Variants in MINK1 observed in about 807,000 individuals in gnomAD.
MINK1 encodes misshapen-like kinase 1.
MINK1 carries 46 observed loss-of-function variants against 178.4 expected under a neutral mutation model. That is an observed-to-expected ratio of 0.26 (90% CI 0.20 to 0.33). MINK1 has a LOEUF of 0.33. Ranked by LOEUF, MINK1 falls within the 10% of genes least tolerant of loss-of-function variation. The probability of loss-of-function intolerance (pLI) is 1.00; values close to 1 mark genes in which losing one functional copy is unlikely to be tolerated. For synonymous variants in MINK1, 797 were observed against 709.7 expected (o/e 1.12, Z -1.96); for missense variants, 1,366 against 1,814.9 (o/e 0.75, Z 4.49).
At chr17:4,848,233 C>T (rs910852138) in intron 1 of MINK1, among the ~76,000 whole-genome samples, 2 of 152,126 alleles carry the variant, frequency 1.3e-5, no homozygotes, top group African/African-American at 4.8e-5. Flanking sequence ...AGAGAGGAAC[C>T]TGGAATGGGG....
At chr17:4,890,861 T>C (rs1968716014) in intron 14 of MINK1, 90 bp from the exon 15 acceptor site, 4 of 1,529,656 alleles carry the variant, frequency 2.6e-6, no homozygotes, top group East Asian at 2.5e-5. Flanking sequence ...GCACAGAGCA[T>C]AGGGCGGGAG....
Position 4,886,446 on chromosome 17 carries a change from T to G in MINK1, c.774-5T>G, listed in dbSNP as rs1213837998. 7.5e-6 allele frequency: 12 copies of G among 1,598,272 alleles called. No homozygotes were observed. Among genetic ancestry groups the G allele is most frequent in the Non-Finnish European group, 1.0e-5 (12 of 1,171,412 alleles). ...CCTCCCAGTGTGAGCCACCACTGTT[T>G]CCAGGTCTAAGAAGTTCATTGACTT... On this transcript the variant is annotated splice_polypyrimidine_tract_variant and splice_region_variant and intron_variant, in intron 9 of 31. Coordinates refer to ENST00000355280, the MANE Select transcript of MINK1 (RefSeq NM_153827.5). The surrounding 1 kb of genome is among the most constrained non-coding windows in gnomAD (Gnocchi z 6.1).
intron 1 of MINK1, among the ~76,000 whole-genome samples, chr17:4,863,598 C>T (rs9895272): frequency 0.41 from 62,950 of 151,940 alleles, 15,753 homozygotes; most frequent in Non-Finnish European, 0.57. Flanking sequence ...TCAGATTTTT[C>T]AGTCAAATCT....
chr17:4,851,162 T>C, intron 1 of MINK1: 1 of 380,358 alleles, frequency 2.6e-6, no homozygotes, highest in Non-Finnish European at 5.4e-6. Flanking sequence ...TGCCACAGTT[T>C]TGCCTTGCTT....
At position 4,887,214 on chromosome 17, in the gene MINK1, T is replaced by A; in HGVS notation, c.1019+35T>A. The stretch of plus-strand genomic sequence containing the variant: ...GCAGGTGGAGTGGGGGTTGGGGCGG[T>A]CATCGCTGAGTGGGGGGACTACAGT... On this transcript the variant is annotated intron_variant, in intron 11 of 31. Coordinates refer to ENST00000355280, the MANE Select transcript of MINK1 (RefSeq NM_153827.5). This position sits in a 1 kb window ranked among gnomAD's most constrained non-coding sequence, Gnocchi z 7.6. 1 of 1,562,406 alleles carries A rather than the reference T, an allele frequency of 6.4e-7. No homozygotes were observed. The highest frequency in any genetic ancestry group is 8.7e-7 in the Non-Finnish European group (1 of 1,150,366).
At chr17:4,874,950 T>C in intron 1 of MINK1, 1 of 452,774 alleles carries the variant, frequency 2.2e-6, no homozygotes, top group Non-Finnish European at 4.4e-6. Context: ...GACTTGATGG[T>C]GACAGATCAT....
rs1968077360 is a variant in MINK1 at position 4,885,134 on chromosome 17, C to T, written c.508+132C>T. The T allele has an allele frequency of 3.7e-6, 3 of 820,844 alleles. No homozygotes were observed. The South Asian group carries it at 5.0e-5, about 14-fold the overall frequency. 50.8% of individuals were successfully genotyped at this position (820,844 alleles called of 1,614,324 possible). On this transcript the variant is annotated intron_variant, in intron 6 of 31. Transcript: ENST00000355280. This position sits in a 1 kb window ranked among gnomAD's most constrained non-coding sequence, Gnocchi z 5.0. ...GGGAGGCTCACTCCCTCCCCTTTCC[C>T]CTCTCCCCCTGGAATGCCCTGCCTC...
intron 1 of MINK1, among the ~76,000 whole-genome samples, chr17:4,855,362 TGTAGTCCCAGCTACTCAGGAG>T (rs1912877121): frequency 1.3e-5 from 2 of 151,020 alleles, no homozygotes; most frequent in African/African-American, 4.9e-5. Context: ...GGCGGGCGCC[TGTAGTCCCAGCTACTCAGGAG>T]GCTGAGGCAG....
rs532110584 is a variant in MINK1 at position 4,863,599 on chromosome 17, A to G, written c.58-14718A>G. ...TGCAGGCCTTGAGGTCAGATTTTTC[A>G]GTCAAATCTTGGCTCTACCACTTCC... On this transcript the variant is annotated intron_variant, in intron 1 of 31. Coordinates refer to ENST00000355280, the MANE Select transcript of MINK1 (RefSeq NM_153827.5). Among the ~76,000 whole-genome samples the G allele has an allele frequency of 3.9e-5, 6 of 152,174 alleles. No individual in the cohort carries two copies. In the South Asian group the frequency reaches 1.0e-3, roughly 26 times the overall value.
chr17:4,895,592 C>T lies in MINK1; in HGVS notation c.3229+99C>T, dbSNP rs1462361524. ...GAGGGCAGGCACTGGAAGGTGGGGC[C>T]ACACTTTCTCACCCCTTGTGGTATG... On this transcript the variant is annotated intron_variant, in intron 26 of 31. Transcript: ENST00000355280. This position sits in a 1 kb window ranked among gnomAD's most constrained non-coding sequence, Gnocchi z 4.3. The T allele has an allele frequency of 1.9e-6, 3 of 1,547,174 alleles. No homozygotes were observed. The highest frequency in any genetic ancestry group is 2.6e-6 in the Non-Finnish European group (3 of 1,143,396).
chr17:4,848,572 G>GA (rs1280636623), intron 1 of MINK1, among the ~76,000 whole-genome samples: 6 of 152,338 alleles, frequency 3.9e-5, no homozygotes, highest in African/African-American at 1.4e-4. Context: ...GTGTTAGCCA[G>GA]GATGGTCTCC....
At chr17:4,875,133 G>A (rs749879761) in intron 1 of MINK1, 4 of 520,100 alleles carry the variant, frequency 7.7e-6, no homozygotes, top group Non-Finnish European at 1.5e-5. Context: ...GAGTTCTTCT[G>A]TTGGGGAGCT....
chr17:4,873,566 C>T, intron 1 of MINK1, among the ~76,000 whole-genome samples: 1 of 151,866 alleles, frequency 6.6e-6, no homozygotes, highest in Non-Finnish European at 1.5e-5. Flanking sequence ...CATTCAAACC[C>T]AGCCTGCTCT....
At chr17:4,860,205 G>T (rs1913941331) in intron 1 of MINK1, among the ~76,000 whole-genome samples, 1 of 152,220 alleles carries the variant, frequency 6.6e-6, no homozygotes, top group African/African-American at 2.4e-5. Flanking sequence ...CAAGAAATGT[G>T]ACCCCCAAGC....
At chr17:4,837,851 C>T (rs1047199011) in intron 1 of MINK1, among the ~76,000 whole-genome samples, 1 of 152,132 alleles carries the variant, frequency 6.6e-6, no homozygotes, top group African/African-American at 2.4e-5. Flanking sequence ...ACTTGTTGCT[C>T]GGTGGTAGCT....
intron 1 of MINK1, among the ~76,000 whole-genome samples, chr17:4,855,355 G>A (rs1308665641): frequency 6.6e-5 from 10 of 151,032 alleles, no homozygotes; most frequent in African/African-American, 2.2e-4. Flanking sequence ...GCGTGGTGGC[G>A]GGCGCCTGTA....
At chr17:4,852,222 G>A (rs1912114733) in intron 1 of MINK1, among the ~76,000 whole-genome samples, 2 of 151,992 alleles carry the variant, frequency 1.3e-5, no homozygotes, top group South Asian at 4.2e-4. Context: ...AAGGAAGGAG[G>A]GAGGTTTTTC....
At chr17:4,893,412 C>G (rs369560543) in intron 20 of MINK1, 22 bp from the exon 21 acceptor site, 2 of 1,599,638 alleles carry the variant, frequency 1.3e-6, no homozygotes, top group African/African-American at 1.3e-5. Flanking sequence ...CTCCCTGCCC[C>G]TCACGTGGCT....
At position 4,886,648 on chromosome 17, in the gene MINK1, G is replaced by T. The variant is rs367982210; in HGVS notation, c.949+22G>T. The T allele has an allele frequency of 3.3e-5, 52 of 1,560,904 alleles. No individual in the cohort carries two copies. Among genetic ancestry groups the T allele is most frequent in the Non-Finnish European group, 3.8e-5 (44 of 1,152,860 alleles). ...AAAGGTCAGTGGGCAGGCTGGAGGG[G>T]GCAGGTACTAGGGGACACTCCAGCC... On this transcript the variant is annotated intron_variant, in intron 10 of 31. Coordinates refer to ENST00000355280, the MANE Select transcript of MINK1 (RefSeq NM_153827.5). This position sits in a 1 kb window ranked among gnomAD's most constrained non-coding sequence, Gnocchi z 6.1.
Sources: gnomAD v4.1 joint callset for allele counts (sites outside exome capture counted in the v4.1 genomes callset) on GRCh38, gnomAD v4.1.1 for gene constraint, Gnocchi (gnomAD v3.1) non-coding constraint, MANE v1.5 for transcripts, NCBI Gene and HGNC (gene_info 2026-07-23, HGNC 2026-07-21) for gene names.